The following KRI1 variants were observed in gnomAD, a reference collection of about 807,000 sequenced individuals.
The protein encoded by KRI1 is KRI1 homolog, also known as protein KRI1 homolog.
KRI1 carries 83 observed loss-of-function variants against 97.0 expected under a neutral mutation model. The ratio of observed to expected loss-of-function variants is 0.86; its 90% CI spans 0.72 to 1.03. KRI1 has a LOEUF of 1.03. Ranked by LOEUF, KRI1 falls within the 50% of genes least tolerant of loss-of-function variation. The pLI, the probability that KRI1 is intolerant of heterozygous loss-of-function variation, is 0.00. For missense variants in KRI1, 916 were observed against 928.4 expected, an observed-to-expected ratio of 0.99 and a Z score of 0.17; for synonymous variants, 371 against 363.5, an observed-to-expected ratio of 1.02 and a Z score of -0.23.
At chr19:10,560,658 C>G (rs1221814822) in intron 8 of KRI1, among the ~76,000 whole-genome samples, 1 of 152,162 alleles carries the variant, frequency 6.6e-6, no homozygotes, top group East Asian at 1.9e-4. Context: ...CCCAACCTCC[C>G]GGGCTCACAA....
intron 12 of KRI1, among the ~76,000 whole-genome samples, chr19:10,558,469 T>C (rs1483479705): frequency 1.3e-5 from 2 of 152,078 alleles, no homozygotes; most frequent in African/African-American, 2.4e-5. Flanking sequence ...CAGTTCCACA[T>C]ATCCACAGTT....
At chr19:10,560,910 T>C in intron 8 of KRI1, 93 bp downstream of exon 8, 1 of 954,012 alleles carries the variant, frequency 1.0e-6, no homozygotes, top group Non-Finnish European at 1.7e-6. Context: ...GAGATGTACA[T>C]ATCCCATCTT....
chr19:10,565,812 C>CCCT (rs1555750197), intron 1 of KRI1, 22 bp from the exon 2 acceptor site: 246 of 1,276,456 alleles, frequency 1.9e-4, no homozygotes, highest in Non-Finnish European at 2.4e-4. Flanking sequence ...AGACGGGATG[C>CCCT]CCCCCCCCAG....
Position 10,553,824 on chromosome 19 carries a change from T to C in KRI1, c.*127A>G, listed in dbSNP as rs1043258812. 8.2e-6 allele frequency: 7 copies of C among 856,376 alleles called. 1 individual carries two copies. The highest frequency in any genetic ancestry group is 8.6e-6 in the Non-Finnish European group (5 of 581,766). 53.0% of individuals were successfully genotyped at this position (856,376 alleles called of 1,614,324 possible). A position where few individuals can be genotyped will look rare whatever the true frequency, so the allele number is the denominator to read the frequency against. On this transcript the variant is annotated 3_prime_UTR_variant, in exon 19 of 19. Coordinates refer to ENST00000312962, the MANE Select transcript of KRI1 (RefSeq NM_023008.5). Reference sequence around the variant, plus strand: ...CTTTCACCTCGGCCTCCCAAAGTGCTGGGATTACAGGCGTGCCTGGCCACA... The same window carrying C: ...CTTTCACCTCGGCCTCCCAAAGTGCCGGGATTACAGGCGTGCCTGGCCACA...
At chr19:10,555,692 C>T (rs1373556085) in intron 16 of KRI1, among the ~76,000 whole-genome samples, 1 of 152,186 alleles carries the variant, frequency 6.6e-6, no homozygotes, top group Non-Finnish European at 1.5e-5. Flanking sequence ...CACCAGGCTT[C>T]CTAATTACAT....
At position 10,553,207 on chromosome 19, in the gene KRI1, C is replaced by T. The variant is rs1240221825; in HGVS notation, c.*744G>A. On this transcript the variant is annotated 3_prime_UTR_variant, in exon 19 of 19. Coordinates refer to ENST00000312962, the MANE Select transcript of KRI1 (RefSeq NM_023008.5). ...AAGCCCAGCTGCAACCAGTCTGGGGCCATTCAGCCAGGGACAGAGCCCACA... is the reference window on the plus strand; with the variant it reads ...AAGCCCAGCTGCAACCAGTCTGGGGTCATTCAGCCAGGGACAGAGCCCACA... The T allele has an allele frequency of 3.8e-5, 42 of 1,096,824 alleles. No individual in the cohort carries two copies. The highest frequency in any genetic ancestry group is 2.8e-4 in the Admixed American group (10 of 35,872). The allele number at this position is 1,096,824 out of a possible 1,614,324, so 67.9% of individuals were successfully genotyped here. A position where few individuals can be genotyped will look rare whatever the true frequency, so the allele number is the denominator to read the frequency against.
In KRI1 at chr19:10,561,828, T is replaced by C; in HGVS notation, c.401A>G (p.Glu134Gly). The change falls in exon 5 of 19, where the codon GAG (glutamate) becomes GGG (glycine). Residue 134 changes from glutamate (E) to glycine (G), a missense_variant. Coordinates refer to ENST00000312962, the MANE Select transcript of KRI1 (RefSeq NM_023008.5). ...ATTGGAAGTCTCCCCGTCTGAGTTCTCCTCATCAACATATTTGCTGTAAAG... is the reference window on the plus strand; with the variant it reads ...ATTGGAAGTCTCCCCGTCTGAGTTCCCCTCATCAACATATTTGCTGTAAAG... ...LEKAGKYVDE[E>G]NSDGETSNHR... is the part of the protein sequence containing the mutation. 1 of 1,613,922 alleles carries C rather than the reference T, an allele frequency of 6.2e-7. No homozygotes were observed. The highest frequency in any genetic ancestry group is 8.5e-7 in the Non-Finnish European group (1 of 1,179,898).
At chr19:10,564,827 A>G in intron 3 of KRI1, 102 bp downstream of exon 3, 1 of 785,022 alleles carries the variant, frequency 1.3e-6, no homozygotes, top group Non-Finnish European at 2.3e-6. Context: ...ACAGGAAAAG[A>G]GGCTCAGAGA....
chr19:10,559,189 G>C (rs533710543), intron 12 of KRI1, among the ~76,000 whole-genome samples, 170 bp downstream of exon 12: 1 of 151,896 alleles, frequency 6.6e-6, no homozygotes, highest in African/African-American at 2.4e-5. Context: ...ATTTTTAGTA[G>C]AGATGAGGTT....
At chr19:10,563,482 A>G (rs992207786) in intron 3 of KRI1, among the ~76,000 whole-genome samples, 3 of 151,282 alleles carry the variant, frequency 2.0e-5, no homozygotes, top group African/African-American at 7.3e-5. Context: ...AGTAGCTGGG[A>G]TTACGGGTGT....
chr19:10,564,778 GC>G, intron 3 of KRI1, 150 bp downstream of exon 3: 1 of 682,410 alleles, frequency 1.5e-6, no homozygotes, highest in Non-Finnish European at 2.6e-6. Context: ...CCTTAAAACA[GC>G]CCTGAGGGGA....
intron 18 of KRI1, 115 bp from the exon 19 acceptor site, chr19:10,554,396 A>G (rs1293754794): frequency 1.1e-6 from 1 of 898,682 alleles, no homozygotes; most frequent in Non-Finnish European, 1.7e-6. Context: ...GCAGCCGCAC[A>G]GCGACCGAGG....
Position 10,554,203 on chromosome 19 carries a change from A to G in KRI1, c.1860T>C (p.Asp620=), listed in dbSNP as rs375947140. ...AGPQRQLPAL[D]GSLMGPESPP... is the part of the protein sequence containing the mutation. The stretch of plus-strand genomic sequence containing the variant: ...GACTCTCCGGCCCCATCAAGCTGCC[A>G]TCAAGGGCTGGCAGCTGCCTCTGTG... The change falls in exon 19 of 19, where the codon GAT becomes GAC. Residue 620 remains aspartate, a synonymous_variant. Transcript: ENST00000312962. 3.0e-5 allele frequency: 49 copies of G among 1,613,828 alleles called. No individual in the cohort carries two copies. The African/African-American group carries it at 5.3e-4, about 18-fold the overall frequency.
intron 2 of KRI1, 33 bp from the exon 3 acceptor site, chr19:10,565,067 A>G (rs1157979532): frequency 1.4e-6 from 2 of 1,409,672 alleles, no homozygotes. Flanking sequence ...GATAGATTTC[A>G]GAAGGGAGAT....
chr19:10,561,515 T>C, intron 6 of KRI1, 152 bp downstream of exon 6: 1 of 876,710 alleles, frequency 1.1e-6, no homozygotes, highest in South Asian at 1.5e-5. Context: ...CTCAACAAGC[T>C]CAGAGCAGTG....
rs750262453 is a variant in KRI1, at chr19:10,555,187, T to G, written c.1683-2A>C. The G allele has an allele frequency of 2.5e-6, 4 of 1,589,632 alleles. No individual in the cohort carries two copies. Among genetic ancestry groups the G allele is most frequent in the Non-Finnish European group, 3.4e-6 (4 of 1,169,286 alleles). On this transcript the variant is annotated splice_acceptor_variant, in intron 17 of 18. Coordinates refer to ENST00000312962, the MANE Select transcript of KRI1 (RefSeq NM_023008.5). LOFTEE classifies it high-confidence loss of function. The stretch of plus-strand genomic sequence containing the variant: ...TCCCGCAGCTCCTCCTGCTCTGACC[T>G]GCAGACAGATGCCCCTGTGTTGGGT...
chr19:10,560,968 G>A (rs769468450), intron 8 of KRI1, 35 bp downstream of exon 8: 14 of 1,513,476 alleles, frequency 9.3e-6, no homozygotes, highest in South Asian at 2.2e-5. Flanking sequence ...GGAACACGCG[G>A]TCTACTCCAT....
chr19:10,565,813 C>CCT, intron 1 of KRI1, 23 bp from the exon 2 acceptor site: 1 of 1,539,590 alleles, frequency 6.5e-7, no homozygotes, highest in Non-Finnish European at 8.8e-7. Flanking sequence ...GACGGGATGC[C>CCT]CCCCCCCAGG....
At chr19:10,556,836 A>G (rs570292373) in intron 16 of KRI1, among the ~76,000 whole-genome samples, 1 of 147,032 alleles carries the variant, frequency 6.8e-6, no homozygotes, top group South Asian at 2.2e-4. Flanking sequence ...TACAAAAAAT[A>G]TTTTTAATTA....
Sources: gnomAD v4.1 joint callset for allele counts (sites outside exome capture counted in the v4.1 genomes callset) on GRCh38, gnomAD v4.1.1 for gene constraint, MANE v1.5 for transcripts, NCBI Gene and HGNC (gene_info 2026-07-23, HGNC 2026-07-21) for gene names.